The following RSPO3 variants were observed in gnomAD, a reference collection of about 807,000 sequenced individuals.
RSPO3 encodes the protein R-spondin-3.
A neutral mutation model predicts 36.5 loss-of-function variants in RSPO3; 17 were observed. The observed-to-expected ratio is 0.47, with a 90% CI of 0.32 to 0.70. The LOEUF (loss-of-function observed/expected upper bound fraction) is 0.70, where lower values mean the gene tolerates loss of function less well. Ranked by LOEUF, RSPO3 falls within the 30% of genes least tolerant of loss-of-function variation. RSPO3 has a pLI of 0.04. For synonymous variants in RSPO3, 108 were observed against 107.0 expected (o/e 1.01, Z -0.06); for missense variants, 294 against 322.5 (o/e 0.91, Z 0.68).
chr6:127,146,130 C>G (rs910903712), intron 1 of RSPO3, among the ~76,000 whole-genome samples: 2 of 152,102 alleles, frequency 1.3e-5, no homozygotes, highest in African/African-American at 4.8e-5. Context: ...AGCATTTAAA[C>G]CTTCCTGAAG....
At chr6:127,183,815 C>T (rs191594418) in intron 4 of RSPO3, among the ~76,000 whole-genome samples, 40 of 151,964 alleles carry the variant, frequency 2.6e-4, no homozygotes, top group African/African-American at 9.4e-4. Context: ...ACTATCCACC[C>T]CACCTGTATT....
At chr6:127,153,924 A>G (rs1774540180) in intron 3 of RSPO3, among the ~76,000 whole-genome samples, 1 of 152,078 alleles carries the variant, frequency 6.6e-6, no homozygotes, top group African/African-American at 2.4e-5. Flanking sequence ...TGACTTAGTT[A>G]CTCTATTCTT....
chr6:127,130,279 G>A (rs1478677325), intron 1 of RSPO3, among the ~76,000 whole-genome samples: 1 of 152,090 alleles, frequency 6.6e-6, no homozygotes, highest in Admixed American at 6.6e-5. Flanking sequence ...TTTATGTAAC[G>A]GATCTTTAAT....
At chr6:127,147,004 A>C (rs969249541) in intron 1 of RSPO3, among the ~76,000 whole-genome samples, 1 of 152,134 alleles carries the variant, frequency 6.6e-6, no homozygotes, top group African/African-American at 2.4e-5. Context: ...CAGGCCCTGT[A>C]ATGTCTAAAC....
intron 4 of RSPO3, among the ~76,000 whole-genome samples, chr6:127,181,866 A>G (rs1469944394): frequency 1.3e-5 from 2 of 151,860 alleles, no homozygotes; most frequent in African/African-American, 4.8e-5. Context: ...GTCTCAGTAC[A>G]TTTTTGTATT....
chr6:127,128,425 T>C (rs751096491), intron 1 of RSPO3, among the ~76,000 whole-genome samples: 3 of 151,040 alleles, frequency 2.0e-5, no homozygotes, highest in Non-Finnish European at 4.5e-5. Flanking sequence ...ACACAATCTT[T>C]GGGGATGGTA....
chr6:127,164,014 CAG>C (rs999785823), intron 4 of RSPO3, among the ~76,000 whole-genome samples: 4 of 152,092 alleles, frequency 2.6e-5, no homozygotes, highest in African/African-American at 4.8e-5. Flanking sequence ...TCCTCTGCTG[CAG>C]AGTCTTTCTC....
intron 1 of RSPO3, among the ~76,000 whole-genome samples, chr6:127,128,876 TG>T (rs1562239984): frequency 6.6e-6 from 1 of 151,976 alleles, no homozygotes; most frequent in African/African-American, 2.4e-5. Flanking sequence ...GTACAAACCA[TG>T]GGGGAGTGTC....
At chr6:127,128,181 T>C (rs868165490) in intron 1 of RSPO3, among the ~76,000 whole-genome samples, 59 of 152,192 alleles carry the variant, frequency 3.9e-4, no homozygotes, top group Middle Eastern at 3.4e-3. Flanking sequence ...TACTGGCTAT[T>C]GTTATCCAGA....
At chr6:127,169,806 T>C (rs1774900094) in intron 4 of RSPO3, among the ~76,000 whole-genome samples, 2 of 151,896 alleles carry the variant, frequency 1.3e-5, no homozygotes, top group African/African-American at 2.4e-5. Context: ...GCTATCCACA[T>C]ATTTAATAAT....
intron 4 of RSPO3, 99 bp downstream of exon 4, chr6:127,155,537 C>A: frequency 1.8e-6 from 2 of 1,085,842 alleles, no homozygotes; most frequent in Non-Finnish European, 2.7e-6. Context: ...TCTTTCATGC[C>A]TAATATCCTA....
chr6:127,165,673 A>T (rs1774808564), intron 4 of RSPO3, among the ~76,000 whole-genome samples: 1 of 151,960 alleles, frequency 6.6e-6, no homozygotes, highest in Non-Finnish European at 1.5e-5. Context: ...TTCAATTTTG[A>T]ATTAAAATTA....
intron 4 of RSPO3, among the ~76,000 whole-genome samples, chr6:127,156,869 T>C (rs1441733258): frequency 6.6e-6 from 1 of 152,130 alleles, no homozygotes; most frequent in Non-Finnish European, 1.5e-5. Context: ...CAAAAGAGAA[T>C]TTGGGTCACC....
At chr6:127,158,662 T>C (rs1774644031) in intron 4 of RSPO3, among the ~76,000 whole-genome samples, 2 of 152,138 alleles carry the variant, frequency 1.3e-5, no homozygotes, top group African/African-American at 4.8e-5. Context: ...TATGTATATG[T>C]TACAAAATCT....
Position 127,195,958 on chromosome 6 carries a change from G to A in RSPO3, c.770G>A (p.Arg257Gln), listed in dbSNP as rs374610234. 5.5e-5 allele frequency: 89 copies of A among 1,612,804 alleles called. No individual in the cohort carries two copies. Among genetic ancestry groups the A allele is most frequent in the African/African-American group, 8.0e-5 (6 of 74,862 alleles). The change falls in exon 5 of 5, where the codon CGA becomes CAA. Residue 257 changes from arginine to glutamine, a missense_variant. Arg to Gln is a conservative substitution (Grantham distance 43, BLOSUM62 1). Around this residue, in one of 3 missense-constraint regions of RSPO3, gnomAD observed 190 missense variants for 185.2 expected, o/e 1.03. Transcript: ENST00000356698. Reference protein sequence around the residue: ...QRENKQQQKKRKVQDKQKSVS... With the variant: ...QRENKQQQKKQKVQDKQKSVS... ...GAAAACAAACAGCAGCAGAAGAAGC[G>A]AAAAGTCCAAGATAAACAGAAATCG...
At chr6:127,128,818 T>C (rs1773994133) in intron 1 of RSPO3, among the ~76,000 whole-genome samples, 2 of 152,062 alleles carry the variant, frequency 1.3e-5, no homozygotes, top group South Asian at 4.2e-4. Flanking sequence ...CACTAGTGAA[T>C]GTAACAGATG....
chr6:127,188,136 T>G (rs1005209251), intron 4 of RSPO3, among the ~76,000 whole-genome samples: 3 of 152,072 alleles, frequency 2.0e-5, no homozygotes, highest in African/African-American at 7.2e-5. Flanking sequence ...AATGAAAGGG[T>G]TATGGAAACC....
intron 1 of RSPO3, among the ~76,000 whole-genome samples, chr6:127,137,365 T>A (rs1389573130): frequency 6.6e-6 from 1 of 152,178 alleles, no homozygotes; most frequent in East Asian, 1.9e-4. Context: ...CACTCCAACC[T>A]GGGTGACAGA....
intron 4 of RSPO3, among the ~76,000 whole-genome samples, chr6:127,193,326 A>T (rs1423495709): frequency 6.6e-6 from 1 of 152,222 alleles, no homozygotes; most frequent in Non-Finnish European, 1.5e-5. Flanking sequence ...ACAAGTGGCT[A>T]AAAAACATAT....
Sources: allele counts gnomAD v4.1 joint callset (sites outside exome capture counted in the v4.1 genomes callset), GRCh38; gene constraint gnomAD v4.1.1; regional missense constraint gnomAD v4.1.1; transcripts MANE v1.5; gene names NCBI Gene and HGNC (gene_info 2026-07-23, HGNC 2026-07-21).